CT47B1: variants seen among roughly 807,000 people sequenced by gnomAD.
The protein encoded by CT47B1 is cancer/testis antigen family 47 member B1.
Under a neutral mutation model 12.8 loss-of-function variants are expected in CT47B1, and 24 were observed. The ratio of observed to expected loss-of-function variants is 1.87; its 90% CI spans 1.36 to 2.63. CT47B1 has a LOEUF of 2.63. Among genes scored for constraint, CT47B1 ranks in the 30% most tolerant of loss-of-function variants. CT47B1 has a pLI of 0.00. For synonymous variants in CT47B1, 228 were observed against 133.3 expected, an observed-to-expected ratio of 1.71 and a Z score of -4.89; for missense variants, 523 against 271.3, an observed-to-expected ratio of 1.93 and a Z score of -6.52.
intron 1 of CT47B1, 126 bp downstream of exon 1, chrX:120,874,770 T>A: frequency 9.5e-7 from 1 of 1,056,834 alleles, no homozygotes; most frequent in Non-Finnish European, 1.3e-6. Flanking sequence ...AACACCTGCT[T>A]CACCACCCGA....
Position 120,874,936 on chromosome X carries a change from G to A in CT47B1, c.735C>T (p.Ala245=), listed in dbSNP as rs997819315. Residue 245 remains alanine (A), a synonymous_variant, in exon 1 of 3, where the codon GCC becomes GCT. Coordinates refer to ENST00000371311, the MANE Select transcript of CT47B1 (RefSeq NM_001145718.3). ...KLTEEATEEP[A]AEEPTSEEAV... ...CCTCCTCTGAGGTCGGTTCCTCTGC[G>A]GCCGGTTCCTCTGTGGCCTCCTCTG... is the stretch of plus-strand genomic sequence containing the variant. 4.1e-5 allele frequency: 49 copies of A among 1,208,250 alleles called. No homozygotes were observed. Among genetic ancestry groups the A allele is most frequent in the Middle Eastern group, 2.6e-4 (1 of 3,806 alleles).
intron 2 of CT47B1, among the ~76,000 whole-genome samples, chrX:120,873,228 A>G (rs1923819398): frequency 9.9e-6 from 1 of 101,302 alleles, no homozygotes; most frequent in Non-Finnish European, 2.2e-5. Flanking sequence ...GAAAGAAAGA[A>G]AAATGTTAAC....
In CT47B1 at chrX:120,875,258, T is replaced by C; in HGVS notation, c.413A>G (p.Asn138Ser). 1 of 1,211,122 alleles carries C rather than the reference T, an allele frequency of 8.3e-7. No individual in the cohort carries two copies. The highest frequency in any genetic ancestry group is 1.1e-6 in the Non-Finnish European group (1 of 894,805). ...VHSLLRRLYH[N>S]DHIQIANRHL... Reference sequence around the variant, plus strand: ...ACGGTTCGCTATCTGGATGTGGTCGTTGTGATAGAGGCGGCGGAGAAGGGA... The same window carrying C: ...ACGGTTCGCTATCTGGATGTGGTCGCTGTGATAGAGGCGGCGGAGAAGGGA... The change falls in exon 1 of 3, where the codon AAC (asparagine) becomes AGC (serine). Residue 138 changes from asparagine to serine, a missense_variant. By Grantham distance (46) the Asn-to-Ser change is conservative. Coordinates refer to ENST00000371311, the MANE Select transcript of CT47B1 (RefSeq NM_001145718.3).
Position 120,875,491 on chromosome X carries a change from G to T in CT47B1, c.180C>A (p.Gly60=), listed in dbSNP as rs1393479794. 2 of 1,199,314 alleles carry T rather than the reference G, an allele frequency of 1.7e-6. No homozygotes were observed. The highest frequency in any genetic ancestry group is 2.2e-6 in the Non-Finnish European group (2 of 893,717). Residue 60 remains glycine (G), a synonymous_variant, in exon 1 of 3, where the codon GGC becomes GGA. Coordinates refer to ENST00000371311, the MANE Select transcript of CT47B1 (RefSeq NM_001145718.3). ...CCTGCTCACCCTCCTCCTCCCCGAGGCCTTCCACGGGCCCTGCGACTCCGA... is the reference window on the plus strand; with the variant it reads ...CCTGCTCACCCTCCTCCTCCCCGAGTCCTTCCACGGGCCCTGCGACTCCGA... ...EVVGVAGPVE[G]LGEEEGEQAA... is the part of the protein sequence containing the mutation.
intron 2 of CT47B1, among the ~76,000 whole-genome samples, chrX:120,872,989 A>C (rs1408598498): frequency 2.0e-5 from 2 of 99,310 alleles, no homozygotes; most frequent in Non-Finnish European, 4.4e-5. Flanking sequence ...TGAAGGTTTC[A>C]GTCAAATGAT....
Position 120,875,347 on chromosome X carries a change from C to G in CT47B1, c.324G>C (p.Leu108Phe), listed in dbSNP as rs777275990. 2 of 1,210,505 alleles carry G rather than the reference C, an allele frequency of 1.7e-6. No individual in the cohort carries two copies. The highest frequency in any genetic ancestry group is 1.1e-6 in the Non-Finnish European group (1 of 894,549). ...CCGGGTACCGACGGGTGGCCACCGC[C>G]AAGTCGAAGTTGGCCGCCTCGTTCC... ...EEGNEAANFD[L>F]AVATRRYPAA... Residue 108 changes from leucine (L) to phenylalanine (F), a missense_variant, in exon 1 of 3, where the codon TTG becomes TTC. Leu to Phe is a conservative substitution (Grantham distance 22, BLOSUM62 0). Coordinates refer to ENST00000371311, the MANE Select transcript of CT47B1 (RefSeq NM_001145718.3).
chrX:120,874,128 A>T lies in CT47B1; in HGVS notation c.776-108T>A. ...TTACTCCACCCTCAGGAGAAGCAGG[A>T]TAGAGTTAAGTAAGAAAGGAATAGC... On this transcript the variant is annotated intron_variant, in intron 1 of 2. Coordinates refer to ENST00000371311, the MANE Select transcript of CT47B1 (RefSeq NM_001145718.3). 9 of 891,071 alleles carry T rather than the reference A, an allele frequency of 1.0e-5. 1 individual carries two copies. Among genetic ancestry groups the T allele is most frequent in the Non-Finnish European group, 1.3e-5 (9 of 688,283 alleles). The allele number at this position is 891,071 out of a possible 1,213,427, so 73.4% of individuals were successfully genotyped here.
chrX:120,874,944 C>G lies in CT47B1; in HGVS notation c.727G>C (p.Glu243Gln), dbSNP rs1364081205. Reference sequence around the variant, plus strand: ...GAGGTCGGTTCCTCTGCGGCCGGTTCCTCTGTGGCCTCCTCTGTGAGCTTC... The same window carrying G: ...GAGGTCGGTTCCTCTGCGGCCGGTTGCTCTGTGGCCTCCTCTGTGAGCTTC... Reference protein sequence around the residue: ...EEKLTEEATEEPAAEEPTSEE... With the variant: ...EEKLTEEATEQPAAEEPTSEE... Residue 243 changes from glutamate to glutamine, a missense_variant, in exon 1 of 3, where the codon GAA (glutamate) becomes CAA (glutamine). Coordinates refer to ENST00000371311, the MANE Select transcript of CT47B1 (RefSeq NM_001145718.3). The G allele has an allele frequency of 2.5e-6, 3 of 1,199,603 alleles. No individual in the cohort carries two copies. The highest frequency in any genetic ancestry group is 3.4e-6 in the Non-Finnish European group (3 of 886,029).
rs1452758286 is a variant in CT47B1, at chrX:120,873,994, A to G, written c.802T>C (p.Trp268Arg). Residue 268 changes from tryptophan (W) to arginine (R), a missense_variant, in exon 2 of 3, where the codon TGG becomes CGG. Physicochemically the swap from Trp to Arg is moderately radical, Grantham distance 101. Transcript: ENST00000371311. ...GCAGCATCTTGGGCCTCTTCATCCC[A>G]CTTTTCGGGCTGAGATTTAGTGACT... ...EEVTKSQPEK[W>R]DEEAQDAAGE... 12 of 591,130 alleles carry G rather than the reference A, an allele frequency of 2.0e-5. No individual in the cohort carries two copies. Among genetic ancestry groups the G allele is most frequent in the Middle Eastern group, 1.1e-3 (2 of 1,864 alleles). The allele number at this position is 591,130 out of a possible 1,213,427, so 48.7% of individuals were successfully genotyped here.
rs748670528 is a variant in CT47B1 at position 120,875,402 on chromosome X, G to T, written c.269C>A (p.Ala90Glu). ...TTCCTCCTCCTCCTCTTCCTCCGTCGCGGGCCCGATATCTGAGTCCTCCTC... is the reference window on the plus strand; with the variant it reads ...TTCCTCCTCCTCCTCTTCCTCCGTCTCGGGCCCGATATCTGAGTCCTCCTC... ...SAEEDSDIGP[A>E]TEEEEEEEEG... The change falls in exon 1 of 3, where the codon GCG (alanine) becomes GAG (glutamate). Residue 90 changes from alanine (A) to glutamate (E), a missense_variant. Ala to Glu is a moderately radical substitution (Grantham distance 107). Coordinates refer to ENST00000371311, the MANE Select transcript of CT47B1 (RefSeq NM_001145718.3). The T allele has an allele frequency of 8.3e-7, 1 of 1,206,887 alleles. No individual in the cohort carries two copies. Among genetic ancestry groups the T allele is most frequent in the African/African-American group, 1.7e-5 (1 of 57,371 alleles).
chrX:120,874,454 A>T (rs889111292), intron 1 of CT47B1, among the ~76,000 whole-genome samples: 1 of 110,881 alleles, frequency 9.0e-6, no homozygotes, highest in African/African-American at 3.3e-5. Flanking sequence ...GTGCTCCTGT[A>T]TCACTTCATC....
At chrX:120,874,486 C>G (rs534596399) in intron 1 of CT47B1, among the ~76,000 whole-genome samples, 1 of 110,932 alleles carries the variant, frequency 9.0e-6, no homozygotes, top group Admixed American at 9.6e-5. Context: ...CAACTTTCTA[C>G]GAATCTTTAC....
At chrX:120,873,645 G>A (rs1244022998) in intron 2 of CT47B1, among the ~76,000 whole-genome samples, 1 of 51,151 alleles carries the variant, frequency 2.0e-5, no homozygotes, top group African/African-American at 6.6e-5. Flanking sequence ...ATGAACAAAT[G>A]AGTAGCCAAG....
chrX:120,875,431 G>A lies in CT47B1; in HGVS notation c.240C>T (p.Ser80=), dbSNP rs747639577. The change falls in exon 1 of 3, where the codon AGC becomes AGT. Residue 80 remains serine, a synonymous_variant. Transcript: ENST00000371311. ...GCCCGATATCTGAGTCCTCCTCGGCGCTCCCGCCCTGGGGGACTGCGGCCA... is the reference window on the plus strand; with the variant it reads ...GCCCGATATCTGAGTCCTCCTCGGCACTCCCGCCCTGGGGGACTGCGGCCA... ...AGLAAVPQGG[S]AEEDSDIGPA... The A allele has an allele frequency of 2.0e-5, 24 of 1,206,175 alleles. No homozygotes were observed. The highest frequency in any genetic ancestry group is 2.2e-5 in the Non-Finnish European group (20 of 893,973).
chrX:120,875,145 C>A lies in CT47B1; in HGVS notation c.526G>T (p.Gly176Cys), dbSNP rs1029304617. 4 of 1,209,466 alleles carry A rather than the reference C, an allele frequency of 3.3e-6. No individual in the cohort carries two copies. The African/African-American group carries it at 7.0e-5, about 21-fold the overall frequency. ...CCTTCTGGGGCTGCAGCCCCTGCAC[C>A]CAGCCTCTGGGACAGCAGCAGCAGG... ...PPLLLLSQRL[G>C]AGAAAPEGEG... The change falls in exon 1 of 3, where the codon GGT (glycine) becomes TGT (cysteine). Residue 176 changes from glycine (G) to cysteine (C), a missense_variant. Gly to Cys is a radical substitution (Grantham distance 159, BLOSUM62 -3). Transcript: ENST00000371311.
chrX:120,875,329 C>G lies in CT47B1; in HGVS notation c.342G>C (p.Arg114=), dbSNP rs187441827. ...ANFDLAVATR[R]YPAAGIGFVF... The stretch of plus-strand genomic sequence containing the variant: ...CGAAGCCAATGCCCGCCGCCGGGTA[C>G]CGACGGGTGGCCACCGCCAAGTCGA... The change falls in exon 1 of 3, where the codon CGG becomes CGC. Residue 114 remains arginine (R), a synonymous_variant. Transcript: ENST00000371311. 435 of 1,209,728 alleles carry G rather than the reference C, an allele frequency of 3.6e-4. 1 individual carries two copies. In the South Asian group the frequency reaches 6.4e-3, roughly 18 times the overall value.
rs1400810235 is a variant in CT47B1, at chrX:120,874,834, C to G, written c.775+62G>C. On this transcript the variant is annotated intron_variant, in intron 1 of 2. Coordinates refer to ENST00000371311, the MANE Select transcript of CT47B1 (RefSeq NM_001145718.3). ...CACCAGCTGTGCCCGCACCGCAGCC[C>G]TGCCCAGAGCCCTTGGACACATGGA... The G allele has an allele frequency of 5.1e-5, 60 of 1,186,258 alleles. No individual in the cohort carries two copies. The East Asian group carries it at 1.7e-3, about 33-fold the overall frequency.
In CT47B1 at chrX:120,875,398, C is replaced by G; in HGVS notation, c.273G>C (p.Thr91=). The G allele has an allele frequency of 1.7e-6, 2 of 1,208,237 alleles. No homozygotes were observed. The highest frequency in any genetic ancestry group is 2.2e-6 in the Non-Finnish European group (2 of 893,713). The change falls in exon 1 of 3, where the codon ACG becomes ACC. Residue 91 remains threonine (T), a synonymous_variant. Coordinates refer to ENST00000371311, the MANE Select transcript of CT47B1 (RefSeq NM_001145718.3). The part of the protein sequence containing the change: ...AEEDSDIGPA[T]EEEEEEEEGN... ...CCTCTTCCTCCTCCTCCTCTTCCTC[C>G]GTCGCGGGCCCGATATCTGAGTCCT...
At position 120,875,105 on chromosome X, in the gene CT47B1, A is replaced by G; in HGVS notation, c.566T>C (p.Leu189Pro). The G allele has an allele frequency of 4.1e-6, 5 of 1,209,670 alleles. No individual in the cohort carries two copies. The highest frequency in any genetic ancestry group is 5.6e-6 in the Non-Finnish European group (5 of 894,568). Residue 189 changes from leucine (L) to proline (P), a missense_variant, in exon 1 of 3, where the codon CTG (leucine) becomes CCG (proline). Transcript: ENST00000371311. ...CTGGACCGACGCAGCCTCCTGGATC[A>G]GGCCGAGGCCCTCGCCTTCTGGGGC... ...AAAPEGEGLG[L>P]IQEAASVQEA...
Sources: gnomAD v4.1 joint callset for allele counts (sites outside exome capture counted in the v4.1 genomes callset) on GRCh38, gnomAD v4.1.1 for gene constraint, MANE v1.5 for transcripts, NCBI Gene and HGNC (gene_info 2026-07-23, HGNC 2026-07-21) for gene names.